The following MAST4 variants were observed in gnomAD, a reference collection of about 807,000 sequenced individuals.
MAST4 encodes the protein microtubule associated serine/threonine kinase family member 4.
MAST4 carries 89 observed loss-of-function variants against 162.7 expected under a neutral mutation model. The ratio of observed to expected loss-of-function variants is 0.55; its 90% CI spans 0.46 to 0.65. The LOEUF is 0.65. Ranked by LOEUF, MAST4 falls within the 30% of genes least tolerant of loss-of-function variation. MAST4 has a pLI of 0.00. For missense variants in MAST4, 3,153 were observed against 3,374.0 expected (o/e 0.93, Z 1.62); for synonymous variants, 1,479 against 1,361.1 (o/e 1.09, Z -1.91).
chr5:67,005,992 G>A (rs1018444418), intron 4 of MAST4, among the ~76,000 whole-genome samples: 5 of 152,232 alleles, frequency 3.3e-5, no homozygotes, highest in African/African-American at 1.2e-4. Context: ...CTATGCTTCA[G>A]TGTTCAAAGA....
intron 1 of MAST4, among the ~76,000 whole-genome samples, chr5:66,725,900 G>A (rs1751486195): frequency 6.6e-6 from 1 of 152,122 alleles, no homozygotes; most frequent in African/African-American, 2.4e-5. Flanking sequence ...TTTATTCATT[G>A]AGCAAGTATT....
At chr5:66,883,420 C>CTTT (rs1484230630) in intron 3 of MAST4, among the ~76,000 whole-genome samples, 5 of 125,512 alleles carry the variant, frequency 4.0e-5, no homozygotes, top group Non-Finnish European at 6.6e-5. Flanking sequence ...TGTTCTGTCA[C>CTTT]TGTTTTTTTT....
chr5:67,132,941 C>T (rs936825697), intron 16 of MAST4, among the ~76,000 whole-genome samples: 4 of 151,910 alleles, frequency 2.6e-5, no homozygotes, highest in African/African-American at 9.7e-5. Flanking sequence ...TACTGTAATA[C>T]CGTATATACT....
chr5:67,008,838 C>A (rs1277475810), intron 4 of MAST4, among the ~76,000 whole-genome samples: 1 of 152,136 alleles, frequency 6.6e-6, no homozygotes, highest in Non-Finnish European at 1.5e-5. Context: ...TAAACTAAAT[C>A]CTGTAGTTGT....
At chr5:66,640,945 T>G (rs1745452173) in intron 1 of MAST4, among the ~76,000 whole-genome samples, 1 of 152,196 alleles carries the variant, frequency 6.6e-6, no homozygotes, top group Non-Finnish European at 1.5e-5. Flanking sequence ...CATTGTGGTT[T>G]TGATTTACAT....
At chr5:67,107,215 A>G (rs1379388351) in intron 10 of MAST4, among the ~76,000 whole-genome samples, 1 of 152,118 alleles carries the variant, frequency 6.6e-6, no homozygotes, top group Non-Finnish European at 1.5e-5. Context: ...AAAGGGTAGG[A>G]TTGCTATCCA....
intron 1 of MAST4, among the ~76,000 whole-genome samples, chr5:66,629,748 C>T (rs1436261502): frequency 6.6e-6 from 1 of 152,110 alleles, no homozygotes; most frequent in Admixed American, 6.6e-5. Context: ...TATTGAAACA[C>T]CTTATTAACA....
chr5:66,680,065 A>G (rs1030017174), intron 1 of MAST4, among the ~76,000 whole-genome samples: 9 of 152,284 alleles, frequency 5.9e-5, no homozygotes, highest in South Asian at 2.1e-4. Context: ...AGAGCCTTCT[A>G]TCCTTAGCAG....
chr5:67,001,153 A>G (rs1751249777), intron 4 of MAST4, among the ~76,000 whole-genome samples: 1 of 152,208 alleles, frequency 6.6e-6, no homozygotes, highest in Admixed American at 6.5e-5. Flanking sequence ...CTGCAGTCGC[A>G]ACTATAGTTT....
chr5:66,805,981 G>C (rs1401384016), intron 3 of MAST4, among the ~76,000 whole-genome samples: 1 of 152,180 alleles, frequency 6.6e-6, no homozygotes, highest in Admixed American at 6.5e-5. Flanking sequence ...CAACTGCCAT[G>C]CTAGCGGTAG....
At chr5:66,618,039 G>GGC (rs1196116697) in intron 1 of MAST4, among the ~76,000 whole-genome samples, 4 of 151,890 alleles carry the variant, frequency 2.6e-5, no homozygotes, top group Non-Finnish European at 4.4e-5. Flanking sequence ...GGAATGGGGG[G>GGC]GGGGCCCTGA....
At chr5:67,056,177 G>T (rs948242533) in intron 5 of MAST4, among the ~76,000 whole-genome samples, 2 of 151,992 alleles carry the variant, frequency 1.3e-5, no homozygotes, top group East Asian at 3.8e-4. Flanking sequence ...GCATGAGAGG[G>T]ATATAATTAG....
At chr5:66,624,177 A>T (rs183941756) in intron 1 of MAST4, among the ~76,000 whole-genome samples, 45 of 72,072 alleles carry the variant, frequency 6.2e-4, no homozygotes, top group African/African-American at 2.2e-3. Context: ...TTTGAGATGG[A>T]GTCTTGCTTT....
intron 1 of MAST4, among the ~76,000 whole-genome samples, chr5:66,700,028 G>A (rs200902199): frequency 8.9e-6 from 1 of 112,368 alleles, no homozygotes; most frequent in Non-Finnish European, 1.8e-5. Flanking sequence ...GAAACTAGCT[G>A]CATGGTTGCT....
At chr5:66,791,658 T>A (rs916889591) in intron 3 of MAST4, among the ~76,000 whole-genome samples, 1 of 152,152 alleles carries the variant, frequency 6.6e-6, no homozygotes, top group Non-Finnish European at 1.5e-5. Context: ...ATGTTAGCAA[T>A]ATTATTATTT....
At chr5:66,598,509 G>T (rs769257207) in intron 1 of MAST4, among the ~76,000 whole-genome samples, 1 of 152,128 alleles carries the variant, frequency 6.6e-6, no homozygotes, top group South Asian at 2.1e-4. Context: ...CTCACCCACC[G>T]CAGAGCTACA....
chr5:67,048,308 C>T (rs1446517018), intron 4 of MAST4, among the ~76,000 whole-genome samples: 1 of 152,082 alleles, frequency 6.6e-6, no homozygotes, highest in African/African-American at 2.4e-5. Context: ...CCCATATTTA[C>T]GTTGCCATGG....
intron 4 of MAST4, among the ~76,000 whole-genome samples, chr5:66,988,036 C>T (rs1193814180): frequency 6.6e-6 from 1 of 152,190 alleles, no homozygotes; most frequent in Non-Finnish European, 1.5e-5. Flanking sequence ...GTGCCTAGCT[C>T]TCCACTGGCC....
At position 67,166,766 on chromosome 5, in the gene MAST4, G is replaced by A. The variant is rs1229719586; in HGVS notation, c.7587G>A (p.Leu2529=). ...TGCCCTCCTTCCGGGTCTCCACCCT[G>A]CCTCTGGAGTCACACCACCCCGACC... ...DSLPSFRVST[L]PLESHHPDPN... Residue 2529 remains leucine (L), a synonymous_variant, in exon 29 of 29, where the codon CTG becomes CTA. Coordinates refer to ENST00000403625, the MANE Select transcript of MAST4 (RefSeq NM_001164664.2). 3 of 1,600,562 alleles carry A rather than the reference G, an allele frequency of 1.9e-6. No individual in the cohort carries two copies. The East Asian group carries it at 6.8e-5, about 36-fold the overall frequency.
Sources: allele counts gnomAD v4.1 joint callset (sites outside exome capture counted in the v4.1 genomes callset), GRCh38; gene constraint gnomAD v4.1.1; transcripts MANE v1.5; gene names NCBI Gene and HGNC (gene_info 2026-07-23, HGNC 2026-07-21).